The following CDH20 variants were observed in gnomAD, a reference collection of about 807,000 sequenced individuals.
CDH20 encodes cadherin 20.
CDH20 carries 29 observed loss-of-function variants against 74.2 expected under a neutral mutation model. The ratio of observed to expected loss-of-function variants is 0.39; its 90% CI spans 0.29 to 0.53. CDH20 has a LOEUF of 0.53. Among genes scored for constraint, CDH20 ranks in the 20% least tolerant of loss-of-function variants. The pLI is 0.69. For missense variants in CDH20, 988 were observed against 1,048.3 expected, an observed-to-expected ratio of 0.94 and a Z score of 0.79; for synonymous variants, 469 against 405.4, an observed-to-expected ratio of 1.16 and a Z score of -1.88.
chr18:61,437,441 A>G (rs1478665682), intron 1 of CDH20, among the ~76,000 whole-genome samples: 1 of 152,312 alleles, frequency 6.6e-6, no homozygotes, highest in African/African-American at 2.4e-5. Context: ...TGTATAATAT[A>G]TGGAACTTAA....
At chr18:61,376,530 T>A (rs1456611357) in intron 1 of CDH20, among the ~76,000 whole-genome samples, 1 of 152,116 alleles carries the variant, frequency 6.6e-6, no homozygotes, top group African/African-American at 2.4e-5. Context: ...AAGTTGCCTT[T>A]TATTGGACTT....
At chr18:61,401,961 A>C in intron 1 of CDH20, among the ~76,000 whole-genome samples, 1 of 152,222 alleles carries the variant, frequency 6.6e-6, no homozygotes, top group Non-Finnish European at 1.5e-5. Flanking sequence ...CAACATTTTA[A>C]TTAAGGATAA....
chr18:61,393,439 C>T (rs1290279700), intron 1 of CDH20, among the ~76,000 whole-genome samples: 3 of 152,308 alleles, frequency 2.0e-5, no homozygotes, highest in East Asian at 3.9e-4. Context: ...AGAGCCCAGC[C>T]GTTTCTCCCA....
At chr18:61,446,902 G>A (rs1009918140) in intron 1 of CDH20, among the ~76,000 whole-genome samples, 1 of 152,190 alleles carries the variant, frequency 6.6e-6, no homozygotes, top group Non-Finnish European at 1.5e-5. Context: ...AAACCAAGTT[G>A]CCACATGTGG....
chr18:61,338,026 T>C (rs1909814809), intron 1 of CDH20, among the ~76,000 whole-genome samples: 1 of 152,196 alleles, frequency 6.6e-6, no homozygotes, highest in African/African-American at 2.4e-5. Flanking sequence ...TAAAGAGAAA[T>C]ACTTAGTTTC....
chr18:61,369,574 A>G (rs1300849227), intron 1 of CDH20, among the ~76,000 whole-genome samples: 1 of 152,076 alleles, frequency 6.6e-6, no homozygotes, highest in African/African-American at 2.4e-5. Flanking sequence ...GTATATATCC[A>G]AAGGAATATA....
At chr18:61,442,378 A>AG (rs1555676910) in intron 1 of CDH20, among the ~76,000 whole-genome samples, 2 of 151,028 alleles carry the variant, frequency 1.3e-5, no homozygotes, top group Non-Finnish European at 3.0e-5. Flanking sequence ...AAGAAAAAAA[A>AG]AAAAAACAGA....
At chr18:61,430,914 A>G (rs996704841) in intron 1 of CDH20, among the ~76,000 whole-genome samples, 5 of 152,070 alleles carry the variant, frequency 3.3e-5, no homozygotes, top group Non-Finnish European at 5.9e-5. Flanking sequence ...TTTCCTGGAG[A>G]ATGGTATTGG....
chr18:61,466,748 A>C (rs1909975363), intron 1 of CDH20, among the ~76,000 whole-genome samples: 1 of 152,206 alleles, frequency 6.6e-6, no homozygotes, highest in Admixed American at 6.5e-5. Flanking sequence ...TAAGGCAAAG[A>C]AAGAAATTAG....
At chr18:61,515,109 C>T (rs1911942907) in intron 6 of CDH20, among the ~76,000 whole-genome samples, 3 of 152,280 alleles carry the variant, frequency 2.0e-5, no homozygotes, top group Admixed American at 2.0e-4. Flanking sequence ...CTCGCTGCCA[C>T]CTTGCAGTTT....
At chr18:61,501,492 C>T (rs1911383580) in intron 4 of CDH20, among the ~76,000 whole-genome samples, 3 of 151,872 alleles carry the variant, frequency 2.0e-5, no homozygotes, top group Non-Finnish European at 4.4e-5. Flanking sequence ...AAACATGGGA[C>T]CTAGGAGTAA....
intron 5 of CDH20, among the ~76,000 whole-genome samples, chr18:61,503,331 T>C (rs116975786): frequency 8.5e-5 from 13 of 152,334 alleles, no homozygotes; most frequent in Non-Finnish European, 1.5e-4. Flanking sequence ...CAAACATATT[T>C]TTCCATTTTC....
intron 2 of CDH20, among the ~76,000 whole-genome samples, chr18:61,495,208 T>C (rs1471837896): frequency 6.6e-6 from 1 of 152,232 alleles, no homozygotes; most frequent in Non-Finnish European, 1.5e-5. Context: ...GAATTAAATA[T>C]GGGCAAATAT....
chr18:61,354,872 T>C (rs1910446295), intron 1 of CDH20, among the ~76,000 whole-genome samples: 2 of 152,228 alleles, frequency 1.3e-5, no homozygotes, highest in South Asian at 4.1e-4. Context: ...TGACATCATA[T>C]CAGTTGTTAA....
intron 1 of CDH20, among the ~76,000 whole-genome samples, chr18:61,490,191 T>G (rs1910905061): frequency 1.3e-5 from 2 of 152,196 alleles, no homozygotes; most frequent in Non-Finnish European, 2.9e-5. Context: ...CGAATCTATA[T>G]CCAAAGGTTT....
intron 6 of CDH20, among the ~76,000 whole-genome samples, chr18:61,509,065 G>A (rs554327573): frequency 6.6e-6 from 1 of 152,322 alleles, no homozygotes; most frequent in South Asian, 2.1e-4. Flanking sequence ...GGACTTTGGG[G>A]ACTTGGAGGA....
chr18:61,481,796 A>T (rs1312936252), intron 1 of CDH20, among the ~76,000 whole-genome samples: 1 of 151,996 alleles, frequency 6.6e-6, no homozygotes, highest in Non-Finnish European at 1.5e-5. Context: ...AATTCTCCCC[A>T]TACCCAGCCT....
intron 1 of CDH20, among the ~76,000 whole-genome samples, chr18:61,461,187 G>T (rs1250699824): frequency 6.6e-6 from 1 of 151,936 alleles, no homozygotes; most frequent in Non-Finnish European, 1.5e-5. Flanking sequence ...TTACTCACGA[G>T]TATTCTATCT....
chr18:61,425,027 C>T (rs558173787), intron 1 of CDH20, among the ~76,000 whole-genome samples: 31 of 141,564 alleles, frequency 2.2e-4, no homozygotes, highest in South Asian at 4.8e-4. Context: ...CCTCTCTCTC[C>T]CACTTCCCCG....
Sources: allele counts gnomAD v4.1 joint callset (sites outside exome capture counted in the v4.1 genomes callset), GRCh38; gene constraint gnomAD v4.1.1; transcripts MANE v1.5; gene names NCBI Gene and HGNC (gene_info 2026-07-23, HGNC 2026-07-21).